Variants in SEM1 observed in about 807,000 individuals in gnomAD.
The protein encoded by SEM1 is SEM1 26S proteasome subunit.
In SEM1, 3 loss-of-function variants were observed where a neutral mutation model predicts 12.7. The observed-to-expected ratio is 0.24, with a 90% CI of 0.11 to 0.61. The LOEUF (loss-of-function observed/expected upper bound fraction) is 0.61, where lower values mean the gene tolerates loss of function less well. Ranked by LOEUF, SEM1 falls within the 20% of genes least tolerant of loss-of-function variation. The pLI is 0.88. For synonymous variants in SEM1, 30 were observed against 27.8 expected (o/e 1.08, Z -0.25); for missense variants, 59 against 81.3 (o/e 0.73, Z 1.06).
chr7:96,534,229 CA>C (rs950782695), intron 2 of SEM1, among the ~76,000 whole-genome samples: 9 of 151,430 alleles, frequency 5.9e-5, no homozygotes, highest in Non-Finnish European at 1.2e-4. Context: ...TTGTTGCCAA[CA>C]AAAAAAAGTT....
At chr7:96,698,998 C>T (rs1369789031) in intron 1 of SEM1, among the ~76,000 whole-genome samples, 4 of 152,006 alleles carry the variant, frequency 2.6e-5, no homozygotes, top group Non-Finnish European at 5.9e-5. Flanking sequence ...ATTTTAATTC[C>T]ATAAAATTTA....
intron 2 of SEM1, among the ~76,000 whole-genome samples, chr7:96,560,602 T>G: frequency 6.6e-6 from 1 of 152,070 alleles, no homozygotes. Context: ...AATATTTTTG[T>G]CATATGATAA....
At chr7:96,648,665 G>A (rs1808876316) in intron 2 of SEM1, among the ~76,000 whole-genome samples, 1 of 152,190 alleles carries the variant, frequency 6.6e-6, no homozygotes, top group Non-Finnish European at 1.5e-5. Flanking sequence ...GTATAGAGCC[G>A]AAGCACCAAC....
intron 2 of SEM1, among the ~76,000 whole-genome samples, chr7:96,527,063 G>A (rs190071571): frequency 3.9e-4 from 60 of 152,082 alleles, no homozygotes; most frequent in African/African-American, 1.3e-3. Context: ...GTATTTCCTC[G>A]TATGTGCACC....
intron 2 of SEM1, among the ~76,000 whole-genome samples, chr7:96,638,629 C>T (rs1022427429): frequency 3.7e-4 from 56 of 151,914 alleles, no homozygotes; most frequent in African/African-American, 1.3e-3. Context: ...TACACTGTAT[C>T]TCTTTTTCAC....
intron 3 of SEM1, among the ~76,000 whole-genome samples, chr7:96,505,832 C>T (rs1803738951): frequency 6.6e-6 from 1 of 152,064 alleles, no homozygotes; most frequent in African/African-American, 2.4e-5. Flanking sequence ...AACACCATCA[C>T]CTTGGGAATT....
Position 96,664,817 on chromosome 7 carries a change from G to A in SEM1, c.170+29981C>T, listed in dbSNP as rs1008019818. Among the ~76,000 whole-genome samples, 13 of 152,190 alleles carry A rather than the reference G, an allele frequency of 8.5e-5. No homozygotes were observed. In the South Asian group the frequency reaches 2.3e-3, roughly 27 times the overall value. On this transcript the variant is annotated intron_variant, in intron 2 of 2. Transcript: ENST00000417009. ...ACCAAGTGTTCATTAATGGTAGGATGGTTGAATAAATTCTGGTATGTTTAC... is the reference window on the plus strand; with the variant it reads ...ACCAAGTGTTCATTAATGGTAGGATAGTTGAATAAATTCTGGTATGTTTAC...
intron 2 of SEM1, among the ~76,000 whole-genome samples, chr7:96,538,595 A>G (rs1169044235): frequency 1.3e-5 from 2 of 151,870 alleles, no homozygotes; most frequent in Non-Finnish European, 2.9e-5. Context: ...CAGCTCTTTC[A>G]GCTATGATCT....
intron 2 of SEM1, among the ~76,000 whole-genome samples, chr7:96,524,207 C>T (rs988784436): frequency 1.1e-4 from 17 of 152,122 alleles, no homozygotes; most frequent in Non-Finnish European, 1.6e-4. Flanking sequence ...TTTCTACATC[C>T]GCCATTTCAT....
At chr7:96,541,087 T>A (rs998587068) in intron 2 of SEM1, among the ~76,000 whole-genome samples, 4 of 151,962 alleles carry the variant, frequency 2.6e-5, no homozygotes, top group African/African-American at 9.7e-5. Context: ...TTTATTTTCC[T>A]TTGGGTACAT....
At chr7:96,566,807 C>G (rs927407976) in intron 2 of SEM1, among the ~76,000 whole-genome samples, 1 of 151,568 alleles carries the variant, frequency 6.6e-6, no homozygotes, top group African/African-American at 2.4e-5. Context: ...TTGATTTCAT[C>G]TTGGTATAAA....
downstream of SEM1, among the ~76,000 whole-genome samples, chr7:96,618,288 T>G (rs528476336): frequency 6.6e-6 from 1 of 152,312 alleles, no homozygotes; most frequent in South Asian, 2.1e-4. Context: ...TTTATCCATT[T>G]CCTTTACAGG....
intron 2 of SEM1, among the ~76,000 whole-genome samples, chr7:96,527,580 A>G (rs1584738866): frequency 1.3e-5 from 2 of 152,302 alleles, no homozygotes; most frequent in South Asian, 2.1e-4. Flanking sequence ...GTACTTAACA[A>G]TTCAATCCCT....
intron 2 of SEM1, among the ~76,000 whole-genome samples, chr7:96,631,908 C>T (rs1309207805): frequency 6.6e-6 from 1 of 152,160 alleles, no homozygotes; most frequent in Admixed American, 6.5e-5. Context: ...TGAACAGACA[C>T]TTCTCAAAAG....
intron 2 of SEM1, among the ~76,000 whole-genome samples, chr7:96,533,719 C>A (rs1401396136): frequency 6.6e-6 from 1 of 151,964 alleles, no homozygotes; most frequent in African/African-American, 2.4e-5. Context: ...TTCAAAGAGG[C>A]CATGGGTTCA....
At chr7:96,487,410 T>A (rs1474519920) in intron 1 of SEM1, among the ~76,000 whole-genome samples, 1 of 149,968 alleles carries the variant, frequency 6.7e-6, no homozygotes, top group East Asian at 1.9e-4. Context: ...ATCCAGTAAT[T>A]TTCATTTAAA....
intron 2 of SEM1, among the ~76,000 whole-genome samples, chr7:96,585,036 G>C (rs1806564383): frequency 6.6e-6 from 1 of 151,686 alleles, no homozygotes; most frequent in Non-Finnish European, 1.5e-5. Context: ...TGGAGAAGGA[G>C]AGGCGCTCTG....
chr7:96,539,177 C>T (rs952848168), intron 2 of SEM1, among the ~76,000 whole-genome samples: 10 of 151,766 alleles, frequency 6.6e-5, no homozygotes, highest in African/African-American at 2.4e-4. Flanking sequence ...CAAGTGGATC[C>T]TTCCCCAGTT....
chr7:96,560,508 C>T (rs1038085478), intron 2 of SEM1, among the ~76,000 whole-genome samples: 4 of 152,054 alleles, frequency 2.6e-5, no homozygotes, highest in African/African-American at 9.7e-5. Context: ...ACCAACAGTA[C>T]TTGATAGGAT....
Sources: gnomAD v4.1 joint callset for allele counts (sites outside exome capture counted in the v4.1 genomes callset) on GRCh38, gnomAD v4.1.1 for gene constraint, MANE v1.5 for transcripts, NCBI Gene and HGNC (gene_info 2026-07-23, HGNC 2026-07-21) for gene names.